VRK1: variants seen among roughly 807,000 people sequenced by gnomAD.
VRK1 encodes the protein serine/threonine-protein kinase VRK1.
In VRK1, 33 loss-of-function variants were observed where a neutral mutation model predicts 57.1. That is an observed-to-expected ratio of 0.58 (90% confidence interval 0.44 to 0.77). VRK1 has a LOEUF of 0.77. Ranked by LOEUF, VRK1 falls within the 30% of genes least tolerant of loss-of-function variation. The pLI is 0.00. For synonymous variants in VRK1, 137 were observed against 147.8 expected, an observed-to-expected ratio of 0.93 and a Z score of 0.53; for missense variants, 413 against 477.3, an observed-to-expected ratio of 0.87 and a Z score of 1.25.
chr14:96,845,014 C>G (rs1242173187), intron 3 of VRK1, among the ~76,000 whole-genome samples: 2 of 152,146 alleles, frequency 1.3e-5, no homozygotes, highest in African/African-American at 4.8e-5. Context: ...CAACCCAAAA[C>G]TATAAGTTGT....
chr14:96,851,389 C>T (rs995490691), intron 5 of VRK1, among the ~76,000 whole-genome samples: 1 of 152,128 alleles, frequency 6.6e-6, no homozygotes, highest in Non-Finnish European at 1.5e-5. Context: ...GATCCACCAG[C>T]CTTGGCCTCC....
Position 96,877,471 on chromosome 14 carries a change from C to T in VRK1, c.1159+1351C>T, listed in dbSNP as rs1202064982. 3 of 1,287,046 alleles carry T rather than the reference C, an allele frequency of 2.3e-6. No individual in the cohort carries two copies. In the African/African-American group the frequency reaches 4.6e-5, roughly 20 times the overall value. 79.7% of individuals were successfully genotyped at this position (1,287,046 alleles called of 1,614,324 possible). On this transcript the variant is annotated intron_variant, in intron 12 of 12. Transcript: ENST00000216639. ...CCTTTCGCTACTGTCTTTTTTCCTC[C>T]TTTCCCCTGTCTTGTTCATTTTGTT...
At chr14:96,821,224 A>G (rs1377193474) in intron 1 of VRK1, among the ~76,000 whole-genome samples, 1 of 152,128 alleles carries the variant, frequency 6.6e-6, no homozygotes, top group Non-Finnish European at 1.5e-5. Flanking sequence ...AGTTCCTGGC[A>G]CATATTTTGG....
At chr14:96,834,459 G>T (rs984621758) in intron 2 of VRK1, among the ~76,000 whole-genome samples, 2 of 152,184 alleles carry the variant, frequency 1.3e-5, no homozygotes, top group Non-Finnish European at 2.9e-5. Context: ...CTACGAATCA[G>T]AAACTGTAGG....
chr14:96,826,397 A>G (rs1886801955), intron 1 of VRK1, among the ~76,000 whole-genome samples: 2 of 152,256 alleles, frequency 1.3e-5, no homozygotes, highest in African/African-American at 4.8e-5. Flanking sequence ...CTAATATGGA[A>G]TATACCAATG....
At chr14:96,865,805 T>A (rs545124954) in intron 11 of VRK1, among the ~76,000 whole-genome samples, 1 of 151,292 alleles carries the variant, frequency 6.6e-6, no homozygotes, top group Non-Finnish European at 1.5e-5. Context: ...AGTCTTTCCT[T>A]TATGTCATCT....
intron 12 of VRK1, among the ~76,000 whole-genome samples, 195 bp downstream of exon 12, chr14:96,876,315 T>C (rs1239210439): frequency 2.0e-5 from 3 of 152,272 alleles, no homozygotes; most frequent in East Asian, 1.9e-4. Context: ...ATTATAAAGT[T>C]GAGACTGGGA....
chr14:96,860,449 A>G, intron 10 of VRK1, 108 bp from the exon 11 acceptor site: 2 of 1,085,346 alleles, frequency 1.8e-6, no homozygotes, highest in Admixed American at 5.2e-5. Flanking sequence ...AGGTATCTTA[A>G]CAAGATGTGT....
chr14:96,866,878 G>A (rs972597294), intron 11 of VRK1, among the ~76,000 whole-genome samples: 2 of 152,152 alleles, frequency 1.3e-5, no homozygotes, highest in African/African-American at 4.8e-5. Flanking sequence ...CAGATTTTAG[G>A]TGGAGGGAAG....
At chr14:96,815,918 C>T (rs1886374394) in intron 1 of VRK1, among the ~76,000 whole-genome samples, 1 of 151,874 alleles carries the variant, frequency 6.6e-6, no homozygotes, top group African/African-American at 2.4e-5. Context: ...GCTCTGTCCA[C>T]TCAAAAAACC....
Position 96,881,277 on chromosome 14 carries a change from A to C in VRK1, c.*69A>C, listed in dbSNP as rs1401998132. On this transcript the variant is annotated 3_prime_UTR_variant, in exon 13 of 13. Coordinates refer to ENST00000216639, the MANE Select transcript of VRK1 (RefSeq NM_003384.3). Reference sequence around the variant, plus strand: ...GACTTTTTTCTCCTTTTCTATTTGAACTGTTTTATTTTCCTGTGAGTCTTG... The same window carrying C: ...GACTTTTTTCTCCTTTTCTATTTGACCTGTTTTATTTTCCTGTGAGTCTTG... 2.1e-6 allele frequency: 3 copies of C among 1,425,224 alleles called. No individual in the cohort carries two copies. The highest frequency in any genetic ancestry group is 4.5e-4 in the Middle Eastern group (2 of 4,396). The allele number at this position is 1,425,224 out of a possible 1,614,324, so 88.3% of individuals were successfully genotyped here. A position where few individuals can be genotyped will look rare whatever the true frequency, so the allele number is the denominator to read the frequency against.
At chr14:96,835,694 G>A (rs756133446) in intron 2 of VRK1, among the ~76,000 whole-genome samples, 12 of 152,164 alleles carry the variant, frequency 7.9e-5, no homozygotes, top group Non-Finnish European at 1.6e-4. Context: ...AACTGGGAAG[G>A]CATTCTTGAG....
At chr14:96,847,434 A>G in intron 5 of VRK1, 90 bp downstream of exon 5, 2 of 988,912 alleles carry the variant, frequency 2.0e-6, no homozygotes, top group East Asian at 5.1e-5. Flanking sequence ...CTGATCACTT[A>G]CAATATTACT....
At chr14:96,849,765 G>T (rs4905553) in intron 5 of VRK1, among the ~76,000 whole-genome samples, 94,996 of 152,072 alleles carry the variant, frequency 0.62, 30,539 homozygotes, top group African/African-American at 0.69. Context: ...GTGGTGGTAT[G>T]TTGCTTGAGA....
At chr14:96,879,977 A>G (rs1889192086) in intron 12 of VRK1, among the ~76,000 whole-genome samples, 1 of 151,952 alleles carries the variant, frequency 6.6e-6, no homozygotes, top group South Asian at 2.1e-4. Flanking sequence ...ATAAAAACCT[A>G]AAAATCTACT....
At chr14:96,828,543 A>G (rs1296171240) in intron 1 of VRK1, among the ~76,000 whole-genome samples, 1 of 152,222 alleles carries the variant, frequency 6.6e-6, no homozygotes, top group Admixed American at 6.5e-5. Flanking sequence ...GACCATTCTT[A>G]TGAATATCAG....
At chr14:96,846,497 CCTT>C (rs1163731530) in intron 4 of VRK1, among the ~76,000 whole-genome samples, 1 of 152,050 alleles carries the variant, frequency 6.6e-6, no homozygotes, top group African/African-American at 2.4e-5. Flanking sequence ...TCCCTTCTGT[CCTT>C]CTTCCATGTC....
chr14:96,864,662 G>T (rs762778228), intron 11 of VRK1, among the ~76,000 whole-genome samples: 10 of 152,032 alleles, frequency 6.6e-5, no homozygotes, highest in Non-Finnish European at 1.3e-4. Flanking sequence ...TATGTTGAGG[G>T]TTTGTAGATA....
chr14:96,802,354 TCA>T (rs1486257639), intron 1 of VRK1, among the ~76,000 whole-genome samples: 1 of 152,172 alleles, frequency 6.6e-6, no homozygotes, highest in Non-Finnish European at 1.5e-5. Context: ...CAGAAACAAC[TCA>T]CATGTCCTTC....
Sources: gnomAD v4.1 joint callset for allele counts (sites outside exome capture counted in the v4.1 genomes callset) on GRCh38, gnomAD v4.1.1 for gene constraint, MANE v1.5 for transcripts, NCBI Gene and HGNC (gene_info 2026-07-23, HGNC 2026-07-21) for gene names.